The following PRKN variants were observed in gnomAD, a reference collection of about 807,000 sequenced individuals.
PRKN encodes the protein E3 ubiquitin-protein ligase parkin.
PRKN carries 56 observed loss-of-function variants against 59.5 expected under a neutral mutation model. The observed-to-expected ratio is 0.94, with a 90% confidence interval of 0.76 to 1.18. The LOEUF is 1.18. Ranked by LOEUF, PRKN falls within the 50% of genes most tolerant of loss-of-function variation. The pLI, the probability that PRKN is intolerant of heterozygous loss-of-function variation, is 0.00. For missense variants in PRKN, 657 were observed against 596.4 expected (o/e 1.10, Z -1.06); for synonymous variants, 250 against 222.1 (o/e 1.13, Z -1.12).
chr6:162,002,450 T>C (rs1057270589), intron 5 of PRKN, among the ~76,000 whole-genome samples: 22 of 152,244 alleles, frequency 1.4e-4, no homozygotes, highest in African/African-American at 5.3e-4. Flanking sequence ...GTTCATAATA[T>C]TCCTTTATAA....
chr6:162,507,497 A>G (rs1468646276), intron 1 of PRKN, among the ~76,000 whole-genome samples: 3 of 152,182 alleles, frequency 2.0e-5, no homozygotes, highest in Non-Finnish European at 1.5e-5. Context: ...TGCCAGCACC[A>G]TATTGACAGC....
chr6:162,225,302 G>A (rs1046666845), intron 3 of PRKN, among the ~76,000 whole-genome samples: 3 of 152,038 alleles, frequency 2.0e-5, no homozygotes, highest in South Asian at 2.1e-4. Context: ...AGCACCTCCC[G>A]AAGTTCCCAC....
chr6:161,619,465 T>C (rs1469535543), intron 7 of PRKN, among the ~76,000 whole-genome samples: 2 of 152,092 alleles, frequency 1.3e-5, no homozygotes, highest in Non-Finnish European at 2.9e-5. Flanking sequence ...TATGATAAAA[T>C]TGGTAATAAT....
At chr6:162,293,687 G>A (rs1378347548) in intron 2 of PRKN, among the ~76,000 whole-genome samples, 1 of 152,032 alleles carries the variant, frequency 6.6e-6, no homozygotes, top group Non-Finnish European at 1.5e-5. Flanking sequence ...AGAGCAGGCT[G>A]TCAGGAGGAA....
chr6:161,653,089 C>T (rs879279379), intron 7 of PRKN, among the ~76,000 whole-genome samples: 13 of 152,110 alleles, frequency 8.5e-5, no homozygotes, highest in African/African-American at 9.7e-5. Flanking sequence ...ATTGGCTGGG[C>T]GCGGTGGCTT....
chr6:161,912,948 G>A (rs1368028773), intron 6 of PRKN, among the ~76,000 whole-genome samples: 5 of 152,044 alleles, frequency 3.3e-5, no homozygotes, highest in South Asian at 4.1e-4. Context: ...TGGACGAGGC[G>A]GGTGGATCAC....
intron 2 of PRKN, among the ~76,000 whole-genome samples, chr6:162,409,192 T>C (rs1273558061): frequency 6.6e-6 from 1 of 151,976 alleles, no homozygotes; most frequent in Non-Finnish European, 1.5e-5. Context: ...ATAGACAGTG[T>C]CTCACTCTAT....
In PRKN at chr6:161,552,041, G is replaced by A. The variant is rs905366390; in HGVS notation, c.934-3038C>T. Among the ~76,000 whole-genome samples, 1 of 152,132 alleles carries A rather than the reference G, an allele frequency of 6.6e-6. No homozygotes were observed. Among genetic ancestry groups the A allele is most frequent in the South Asian group, 2.1e-4 (1 of 4,828 alleles). On this transcript the variant is annotated intron_variant, in intron 8 of 11. Coordinates refer to ENST00000366898, the MANE Select transcript of PRKN (RefSeq NM_004562.3). The surrounding 1 kb of genome is among the most constrained non-coding windows in gnomAD (Gnocchi z 4.9). ...GAAGAAGAAACGTATGAGTGATGAA[G>A]GAAGGGGAGGGCGGAGGAAGTCGGT...
At chr6:162,699,951 C>G (rs1408096083) in intron 1 of PRKN, among the ~76,000 whole-genome samples, 1 of 152,166 alleles carries the variant, frequency 6.6e-6, no homozygotes, top group Non-Finnish European at 1.5e-5. Context: ...AAATTAAACA[C>G]CACACCTAGA....
At chr6:162,044,095 AG>A (rs1784166405) in intron 5 of PRKN, among the ~76,000 whole-genome samples, 1 of 152,228 alleles carries the variant, frequency 6.6e-6, no homozygotes. Flanking sequence ...CAGGGATTCA[AG>A]GAAGGCAGAA....
chr6:161,850,584 A>AAAC (rs1562336249), intron 6 of PRKN, among the ~76,000 whole-genome samples: 1 of 151,832 alleles, frequency 6.6e-6, no homozygotes, highest in African/African-American at 2.4e-5. Context: ...CAAAAAAAAA[A>AAAC]AAAAAAAAAA....
At position 161,826,107 on chromosome 6, in the gene PRKN, G is replaced by T. The variant is rs1792233347; in HGVS notation, c.735-40199C>A. Among the ~76,000 whole-genome samples the T allele has an allele frequency of 2.0e-5, 3 of 152,148 alleles. No homozygotes were observed. In the South Asian group the frequency reaches 6.2e-4, roughly 32 times the overall value. On this transcript the variant is annotated intron_variant, in intron 6 of 11. Coordinates refer to ENST00000366898, the MANE Select transcript of PRKN (RefSeq NM_004562.3). ...CCATCTAACAGAAATTAAAAAGCCT[G>T]GCAATCTAGCAGGTAGGAGCCCTCA...
intron 6 of PRKN, among the ~76,000 whole-genome samples, chr6:161,786,495 T>A (rs924512802): frequency 6.6e-6 from 1 of 152,092 alleles, no homozygotes; most frequent in South Asian, 2.1e-4. Flanking sequence ...TTACTAGTAA[T>A]CCCATAAACA....
At chr6:161,634,944 A>G (rs1249045496) in intron 7 of PRKN, among the ~76,000 whole-genome samples, 1 of 152,212 alleles carries the variant, frequency 6.6e-6, no homozygotes, top group Non-Finnish European at 1.5e-5. Context: ...TGGGCTTCGC[A>G]TAGCATCCCT....
chr6:161,450,366 C>T (rs1789673933), intron 9 of PRKN, among the ~76,000 whole-genome samples: 1 of 152,192 alleles, frequency 6.6e-6, no homozygotes, highest in Non-Finnish European at 1.5e-5. Context: ...TGCGAAGCTC[C>T]ATCTATTGTG....
At chr6:162,213,836 CACACACACACACACACACACACAT>C (rs751260109) in intron 3 of PRKN, among the ~76,000 whole-genome samples, 4 of 121,632 alleles carry the variant, frequency 3.3e-5, no homozygotes, top group Admixed American at 9.3e-5. Context: ...CACACACACA[CACACACACACACACACACACACAT>C]ATGAATAGTA....
intron 1 of PRKN, among the ~76,000 whole-genome samples, chr6:162,652,252 T>G (rs1313580873): frequency 2.6e-5 from 4 of 152,170 alleles, no homozygotes; most frequent in Non-Finnish European, 5.9e-5. Context: ...CAAAGCTGGA[T>G]CCTAAGGACA....
At chr6:162,243,007 C>CT (rs200695608) in intron 3 of PRKN, among the ~76,000 whole-genome samples, 9 of 150,220 alleles carry the variant, frequency 6.0e-5, no homozygotes, top group South Asian at 2.1e-4. Context: ...CTGTTGGTTC[C>CT]TTAAAAAAAA....
intron 7 of PRKN, among the ~76,000 whole-genome samples, chr6:161,728,254 A>C (rs1787530947): frequency 6.6e-6 from 1 of 152,078 alleles, no homozygotes; most frequent in Admixed American, 6.5e-5. Context: ...GAAAAAAAAA[A>C]ACATTCCACA....
Sources: gnomAD v4.1 joint callset for allele counts (sites outside exome capture counted in the v4.1 genomes callset) on GRCh38, gnomAD v4.1.1 for gene constraint, Gnocchi (gnomAD v3.1) non-coding constraint, MANE v1.5 for transcripts, NCBI Gene and HGNC (gene_info 2026-07-23, HGNC 2026-07-21) for gene names.